MACROD2: variants seen among roughly 807,000 people sequenced by gnomAD.
The protein encoded by MACROD2 is mono-ADP ribosylhydrolase 2.
In MACROD2, 36 loss-of-function variants were observed where a neutral mutation model predicts 70.4. The ratio of observed to expected loss-of-function variants is 0.51; its 90% CI spans 0.39 to 0.68. The LOEUF (loss-of-function observed/expected upper bound fraction) is 0.68, where lower values mean the gene tolerates loss of function less well. Ranked by LOEUF, MACROD2 falls within the 30% of genes least tolerant of loss-of-function variation. The pLI, the probability that MACROD2 is intolerant of heterozygous loss-of-function variation, is 0.00. For synonymous variants in MACROD2, 172 were observed against 178.8 expected, an observed-to-expected ratio of 0.96 and a Z score of 0.30; for missense variants, 496 against 538.4, an observed-to-expected ratio of 0.92 and a Z score of 0.78.
At chr20:14,562,947 T>G (rs1346935954) in intron 4 of MACROD2, among the ~76,000 whole-genome samples, 1 of 151,906 alleles carries the variant, frequency 6.6e-6, no homozygotes, top group East Asian at 1.9e-4. Context: ...TGGTCTGGTC[T>G]GAGCTTTCTG....
chr20:15,575,420 A>T (rs1219443039), intron 8 of MACROD2, among the ~76,000 whole-genome samples: 1 of 152,190 alleles, frequency 6.6e-6, no homozygotes, highest in Non-Finnish European at 1.5e-5. Flanking sequence ...AATGAATACC[A>T]TGCATAAATG....
chr20:15,761,759 T>G (rs1055842151), intron 8 of MACROD2, among the ~76,000 whole-genome samples: 9 of 152,242 alleles, frequency 5.9e-5, no homozygotes, highest in Non-Finnish European at 1.2e-4. Flanking sequence ...GCTCAATCAC[T>G]AAGCCTTGCA....
chr20:14,969,016 G>T (rs2072614566), intron 5 of MACROD2, among the ~76,000 whole-genome samples: 1 of 152,072 alleles, frequency 6.6e-6, no homozygotes, highest in Admixed American at 6.6e-5. Context: ...GATGACTTTT[G>T]ATAGTAGGTA....
intron 6 of MACROD2, among the ~76,000 whole-genome samples, chr20:15,302,756 A>C (rs1231461855): frequency 1.3e-5 from 2 of 152,208 alleles, no homozygotes; most frequent in Non-Finnish European, 2.9e-5. Context: ...GTACCATTTC[A>C]CATTCCACCG....
intron 5 of MACROD2, among the ~76,000 whole-genome samples, chr20:14,995,616 GA>G (rs2074942670): frequency 1.3e-5 from 2 of 152,074 alleles, no homozygotes; most frequent in South Asian, 2.1e-4. Flanking sequence ...CATAATACAT[GA>G]AAAATTCATA....
At chr20:14,401,980 G>A (rs2083642662) in intron 3 of MACROD2, among the ~76,000 whole-genome samples, 1 of 151,960 alleles carries the variant, frequency 6.6e-6, no homozygotes, top group South Asian at 2.1e-4. Flanking sequence ...ACAAACCAGA[G>A]ATTTTCTGAT....
intron 3 of MACROD2, among the ~76,000 whole-genome samples, chr20:14,125,795 T>G: frequency 6.6e-6 from 1 of 152,092 alleles, no homozygotes; most frequent in Non-Finnish European, 1.5e-5. Flanking sequence ...CAAAATAGGG[T>G]AAAGATCATG....
chr20:15,219,353 C>T (rs2076838564), intron 5 of MACROD2, among the ~76,000 whole-genome samples: 1 of 152,150 alleles, frequency 6.6e-6, no homozygotes, highest in Admixed American at 6.5e-5. Flanking sequence ...CTACTGGGCC[C>T]AGCAATGTAA....
chr20:14,086,309 A>G (rs2054075952), intron 3 of MACROD2: 2 of 273,114 alleles, frequency 7.3e-6, no homozygotes, highest in Admixed American at 4.2e-5. Context: ...AATTTTACAG[A>G]TGTTATATTT....
chr20:15,445,662 C>T (rs970284139), intron 7 of MACROD2, among the ~76,000 whole-genome samples: 3 of 152,104 alleles, frequency 2.0e-5, no homozygotes, highest in South Asian at 2.1e-4. Context: ...GCTTGCGTTT[C>T]GTTGGCCCAA....
chr20:15,736,408 C>A (rs1028988377), intron 8 of MACROD2, among the ~76,000 whole-genome samples: 4 of 152,142 alleles, frequency 2.6e-5, no homozygotes, highest in Non-Finnish European at 5.9e-5. Flanking sequence ...GTTGGCAACA[C>A]TTGAATTGGG....
At chr20:15,427,344 G>A (rs1169494964) in intron 6 of MACROD2, among the ~76,000 whole-genome samples, 1 of 152,182 alleles carries the variant, frequency 6.6e-6, no homozygotes, top group East Asian at 1.9e-4. Context: ...ACAGAACTGA[G>A]AGCTAAGGCA....
chr20:15,823,426 G>C (rs952376032), intron 8 of MACROD2, among the ~76,000 whole-genome samples: 1 of 151,834 alleles, frequency 6.6e-6, no homozygotes, highest in East Asian at 1.9e-4. Context: ...AAAAATCTGG[G>C]GTTGTAATTT....
intron 3 of MACROD2, among the ~76,000 whole-genome samples, chr20:14,144,301 C>T (rs1197724196): frequency 6.6e-6 from 1 of 152,104 alleles, no homozygotes; most frequent in Non-Finnish European, 1.5e-5. Flanking sequence ...TTGTCAATCA[C>T]CGCTTTTTAT....
At chr20:15,210,174 A>T (rs1254340068) in intron 5 of MACROD2, among the ~76,000 whole-genome samples, 4 of 152,226 alleles carry the variant, frequency 2.6e-5, no homozygotes, top group Admixed American at 6.5e-5. Flanking sequence ...TTGTGAAAAA[A>T]TGGAAGTGGC....
chr20:14,710,010 C>G (rs1000031177), intron 5 of MACROD2, among the ~76,000 whole-genome samples: 4 of 152,028 alleles, frequency 2.6e-5, no homozygotes, highest in African/African-American at 9.7e-5. Context: ...TTATATATTT[C>G]TCCATGCAAA....
chr20:15,329,347 G>A (rs964700599), intron 6 of MACROD2, among the ~76,000 whole-genome samples: 4 of 152,082 alleles, frequency 2.6e-5, no homozygotes, highest in Admixed American at 2.6e-4. Flanking sequence ...TTTGGAATCT[G>A]GAGATCTCAG....
chr20:14,795,349 A>T (rs1000420684), intron 5 of MACROD2, among the ~76,000 whole-genome samples: 3 of 152,096 alleles, frequency 2.0e-5, no homozygotes, highest in African/African-American at 7.2e-5. Context: ...GAAGAGATAA[A>T]GATGGTGGTT....
chr20:15,147,774 G>A (rs1013891099), intron 5 of MACROD2, among the ~76,000 whole-genome samples: 7 of 152,162 alleles, frequency 4.6e-5, no homozygotes, highest in Admixed American at 6.5e-5. Flanking sequence ...GGGTGCAGGC[G>A]GGCTGAGTCT....
Sources: allele counts gnomAD v4.1 joint callset (sites outside exome capture counted in the v4.1 genomes callset), GRCh38; gene constraint gnomAD v4.1.1; transcripts MANE v1.5; gene names NCBI Gene and HGNC (gene_info 2026-07-23, HGNC 2026-07-21).